Variants in HBS1L observed in about 807,000 individuals in gnomAD.
HBS1L encodes the protein HBS1 like translational GTPase.
In HBS1L, 55 loss-of-function variants were observed where a neutral mutation model predicts 88.9. The observed-to-expected ratio is 0.62, with a 90% CI of 0.50 to 0.77. HBS1L has a LOEUF of 0.77. Among genes scored for constraint, HBS1L ranks in the 30% least tolerant of loss-of-function variants. The pLI is 0.00. For synonymous variants in HBS1L, 267 were observed against 288.5 expected (o/e 0.93, Z 0.76); for missense variants, 741 against 829.3 (o/e 0.89, Z 1.31).
At chr6:134,978,525 C>T (rs866400081) in intron 15 of HBS1L, among the ~76,000 whole-genome samples, 154 bp downstream of exon 15, 5 of 151,794 alleles carry the variant, frequency 3.3e-5, no homozygotes, top group African/African-American at 4.8e-5. Flanking sequence ...AAAATAAAAA[C>T]GATTTTCTAA....
intron 4 of HBS1L, among the ~76,000 whole-genome samples, chr6:135,020,161 C>CA (rs3834279): frequency 0.014 from 1,932 of 142,880 alleles, 31 homozygotes; most frequent in South Asian, 0.021. Flanking sequence ...AAAAACCCTC[C>CA]AAAAAAAAAA....
chr6:134,998,993 C>T (rs1775369261), intron 5 of HBS1L, among the ~76,000 whole-genome samples: 1 of 152,122 alleles, frequency 6.6e-6, no homozygotes, highest in African/African-American at 2.4e-5. Flanking sequence ...CTATAATTTG[C>T]AAATATTTGT....
At chr6:135,054,612 C>A in intron 1 of HBS1L, 37 bp downstream of exon 1, 2 of 1,607,638 alleles carry the variant, frequency 1.2e-6, no homozygotes, top group Non-Finnish European at 1.7e-6. Context: ...CAGCTGTAGC[C>A]GGGAAAAGAA....
At position 135,039,764 on chromosome 6, in the gene HBS1L, C is replaced by T. The variant is rs777731477; in HGVS notation, c.239G>A (p.Arg80His). Reference protein sequence around the residue: ...NHQLSGFDQARLYSCLDHMRE... With the variant: ...NHQLSGFDQAHLYSCLDHMRE... ...CATGTGATCAAGGCATGAATAAAGA[C>T]GAGCTAGAAAAGACGACAATGGTCA... The change falls in exon 4 of 18, where the codon CGT becomes CAT. Residue 80 changes from arginine to histidine, a missense_variant. Physicochemically the swap from Arg to His is conservative, Grantham distance 29. Coordinates refer to ENST00000367837, the MANE Select transcript of HBS1L (RefSeq NM_006620.4). 4.4e-5 allele frequency: 70 copies of T among 1,608,854 alleles called. No homozygotes were observed. The African/African-American group carries it at 4.6e-4, about 10-fold the overall frequency.
intron 4 of HBS1L, among the ~76,000 whole-genome samples, chr6:135,014,874 A>AC: frequency 7.5e-6 from 1 of 133,738 alleles, no homozygotes; most frequent in African/African-American, 2.8e-5. Flanking sequence ...AAAAAAAAAA[A>AC]CCACAAAAAA....
rs577303270 is a variant in HBS1L, at chr6:135,002,525, T to C, written c.539+209A>G. 7.0e-5 allele frequency: 24 copies of C among 341,064 alleles called. No homozygotes were observed. In the Admixed American group the frequency reaches 8.0e-4, roughly 11 times the overall value. The allele number at this position is 341,064 out of a possible 1,614,324, so 21.1% of individuals were successfully genotyped here. On this transcript the variant is annotated intron_variant, in intron 5 of 17. Transcript: ENST00000367837. ...TTATGTAAGAAAACTGGCAGTGAGG[T>C]AGAGTAAGTAATACACACAAGATAA... is the stretch of plus-strand genomic sequence containing the variant.
chr6:135,043,052 T>C (rs1776795172), intron 2 of HBS1L, among the ~76,000 whole-genome samples: 1 of 152,182 alleles, frequency 6.6e-6, no homozygotes, highest in Non-Finnish European at 1.5e-5. Flanking sequence ...TATAACTGGG[T>C]ATTCATATGT....
At chr6:135,026,523 T>A (rs11754783) in intron 4 of HBS1L, among the ~76,000 whole-genome samples, 70,896 of 151,868 alleles carry the variant, frequency 0.47, 16,859 homozygotes, top group South Asian at 0.56. Flanking sequence ...ATCTGGTCTA[T>A]TAATAACATA....
At position 134,993,859 on chromosome 6, in the gene HBS1L, C is replaced by G; in HGVS notation, c.982G>C (p.Val328Leu). ...GTGGTTTCAAACTTTGTCATACCAACATCCATGGTTACTCCCCTTAAACAA... is the reference window on the plus strand; with the variant it reads ...GTGGTTTCAAACTTTGTCATACCAAGATCCATGGTTACTCCCCTTAAACAA... The part of the protein sequence containing the change: ...EERERGVTMD[V>L]GMTKFETTTK... Residue 328 changes from valine to leucine, a missense_variant, in exon 8 of 18, where the codon GTT (valine) becomes CTT (leucine). Val to Leu is a conservative substitution (Grantham distance 32, BLOSUM62 1). Transcript: ENST00000367837. 6.3e-7 allele frequency: 1 copy of G among 1,588,322 alleles called. No homozygotes were observed. The highest frequency in any genetic ancestry group is 1.3e-5 in the African/African-American group (1 of 74,596).
At chr6:135,038,540 T>C (rs1416567130) in intron 4 of HBS1L, among the ~76,000 whole-genome samples, 10 of 152,196 alleles carry the variant, frequency 6.6e-5, no homozygotes, top group Non-Finnish European at 1.5e-5. Context: ...CCCATCTGTG[T>C]GCCCAGCATC....
At position 134,971,725 on chromosome 6, in the gene HBS1L, G is replaced by C. The variant is rs1255273055; in HGVS notation, c.1798-2387C>G. 2.0e-5 allele frequency among the ~76,000 whole-genome samples: 3 copies of C among 152,096 alleles called. No individual in the cohort carries two copies. In the South Asian group the frequency reaches 6.2e-4, roughly 32 times the overall value. Reference sequence around the variant, plus strand: ...AATTCAAAGTAATGTGCAGCATAGTGTAATAGGAAAAAAAAGTACTGAATT... The same window carrying C: ...AATTCAAAGTAATGTGCAGCATAGTCTAATAGGAAAAAAAAGTACTGAATT... On this transcript the variant is annotated intron_variant, in intron 15 of 17. Transcript: ENST00000367837.
intron 13 of HBS1L, among the ~76,000 whole-genome samples, chr6:134,980,576 T>C (rs1256702121): frequency 6.6e-6 from 1 of 151,986 alleles, no homozygotes; most frequent in African/African-American, 2.4e-5. Context: ...TGTTTTATAC[T>C]ACAAGTTCAA....
intron 12 of HBS1L, 97 bp from the exon 13 acceptor site, chr6:134,982,659 T>C: frequency 1.7e-6 from 1 of 577,914 alleles, no homozygotes; most frequent in Non-Finnish European, 3.1e-6. Context: ...CATATAAAAC[T>C]AGTAGTTCAA....
chr6:135,024,423 G>A (rs1439309958), intron 4 of HBS1L, among the ~76,000 whole-genome samples: 2 of 126,388 alleles, frequency 1.6e-5, no homozygotes, highest in Non-Finnish European at 3.1e-5. Context: ...CTGGGTGACA[G>A]AGTGAGACTT....
intron 4 of HBS1L, among the ~76,000 whole-genome samples, chr6:135,003,935 G>T (rs931786829): frequency 6.6e-6 from 1 of 152,110 alleles, no homozygotes; most frequent in Non-Finnish European, 1.5e-5. Context: ...TTATGAGCTA[G>T]ATCAAAGTAA....
At chr6:134,989,237 G>C (rs76241730) in intron 8 of HBS1L, among the ~76,000 whole-genome samples, 2,380 of 152,310 alleles carry the variant, frequency 0.016, 78 homozygotes, top group African/African-American at 0.054. Flanking sequence ...TCAATGCACT[G>C]TAGGGGCATT....
At chr6:135,010,461 A>G (rs1394305777) in intron 4 of HBS1L, among the ~76,000 whole-genome samples, 1 of 152,208 alleles carries the variant, frequency 6.6e-6, no homozygotes, top group African/African-American at 2.4e-5. Flanking sequence ...TGTTATCAGT[A>G]TATGTTTACT....
rs142098836 is a variant in HBS1L, at chr6:135,006,673, G to T, written c.431-3831C>A. Among the ~76,000 whole-genome samples the T allele has an allele frequency of 2.5e-3, 375 of 152,246 alleles. 2 individuals are homozygous for T. Among genetic ancestry groups the T allele is most frequent in the African/African-American group, 8.5e-3 (354 of 41,548 alleles). ...GAAAAACACTAGGAAAATAGATTGAGAATTATAGAAGGATTGGCTTTGCGT... is the reference window on the plus strand; with the variant it reads ...GAAAAACACTAGGAAAATAGATTGATAATTATAGAAGGATTGGCTTTGCGT... On this transcript the variant is annotated intron_variant, in intron 4 of 17. Transcript: ENST00000367837.
chr6:134,982,622 G>A lies in HBS1L; in HGVS notation c.1493-60C>T, dbSNP rs186224307. 3,249 of 883,926 alleles carry A rather than the reference G, an allele frequency of 3.7e-3. 56 individuals are homozygous for A. Among genetic ancestry groups the A allele is most frequent in the East Asian group, 3.9e-3 (156 of 40,022 alleles). The allele number at this position is 883,926 out of a possible 1,614,324, so 54.8% of individuals were successfully genotyped here. On this transcript the variant is annotated intron_variant, in intron 12 of 17. Coordinates refer to ENST00000367837, the MANE Select transcript of HBS1L (RefSeq NM_006620.4). Reference sequence around the variant, plus strand: ...GCAATGTTATCTGATGATTAATACCGTTAACTATACTTAGTTCTCAAGTAG... The same window carrying A: ...GCAATGTTATCTGATGATTAATACCATTAACTATACTTAGTTCTCAAGTAG...
Sources: allele counts gnomAD v4.1 joint callset (sites outside exome capture counted in the v4.1 genomes callset), GRCh38; gene constraint gnomAD v4.1.1; transcripts MANE v1.5; gene names NCBI Gene and HGNC (gene_info 2026-07-23, HGNC 2026-07-21).